PIEZO2: variants seen among roughly 807,000 people sequenced by gnomAD.
PIEZO2 encodes piezo type mechanosensitive ion channel component 2.
In PIEZO2, 172 loss-of-function variants were observed where a neutral mutation model predicts 337.3. The ratio of observed to expected loss-of-function variants is 0.51; its 90% CI spans 0.45 to 0.58. The LOEUF (loss-of-function observed/expected upper bound fraction) is 0.58. Ranked by LOEUF, PIEZO2 falls within the 20% of genes least tolerant of loss-of-function variation. The pLI is 0.00. For synonymous variants in PIEZO2, 1,251 were observed against 1,228.5 expected (o/e 1.02, Z -0.38); for missense variants, 3,028 against 3,391.3 (o/e 0.89, Z 2.66).
At position 10,727,105 on chromosome 18, in the gene PIEZO2, T is replaced by C; in HGVS notation, c.5029+4302A>G. The stretch of plus-strand genomic sequence containing the variant: ...GAGTGGCAACATCAAAGGGTTTGTG[T>C]CCCTTGCTAGCCTCCCTGGGGCCTG... On this transcript the variant is annotated intron_variant, in intron 36 of 55. Transcript: ENST00000674853. The surrounding 1 kb of genome is among the most constrained non-coding windows in gnomAD (Gnocchi z 6.3). The C allele has an allele frequency of 2.1e-6, 1 of 482,404 alleles. No homozygotes were observed. Among genetic ancestry groups the C allele is most frequent in the Non-Finnish European group, 3.6e-6 (1 of 278,052 alleles). The allele number at this position is 482,404 out of a possible 1,614,324, so 29.9% of individuals were successfully genotyped here. A position where few individuals can be genotyped will look rare whatever the true frequency, so the allele number is the denominator to read the frequency against.
intron 3 of PIEZO2, among the ~76,000 whole-genome samples, chr18:10,928,339 C>T (rs1239385116): frequency 6.6e-6 from 1 of 152,108 alleles, no homozygotes; most frequent in Non-Finnish European, 1.5e-5. Context: ...GAGGCATGGC[C>T]GCTCCAAGCA....
intron 47 of PIEZO2, among the ~76,000 whole-genome samples, chr18:10,695,565 G>T (rs887880574): frequency 1.3e-5 from 2 of 152,074 alleles, no homozygotes; most frequent in African/African-American, 2.4e-5. Flanking sequence ...TTCAAACCTC[G>T]CTGCAGTTAA....
At position 10,677,665 on chromosome 18, in the gene PIEZO2, T is replaced by C. The variant is rs1364781867; in HGVS notation, c.8081+82A>G. On this transcript the variant is annotated intron_variant, in intron 53 of 55. Transcript: ENST00000674853. This position sits in a 1 kb window ranked among gnomAD's most constrained non-coding sequence, Gnocchi z 4.1. Reference sequence around the variant, plus strand: ...CCAAAGAATGAAGTTGCATTCCTCATACACATGAATCTGTAGATGGACATT... The same window carrying C: ...CCAAAGAATGAAGTTGCATTCCTCACACACATGAATCTGTAGATGGACATT... The C allele has an allele frequency of 2.7e-6, 4 of 1,472,178 alleles. No homozygotes were observed. In the Admixed American group the frequency reaches 6.8e-5, roughly 25 times the overall value. 91.2% of individuals were successfully genotyped at this position (1,472,178 alleles called of 1,614,324 possible).
intron 5 of PIEZO2, among the ~76,000 whole-genome samples, chr18:10,868,174 G>C (rs1335823980): frequency 6.6e-6 from 1 of 152,180 alleles, no homozygotes; most frequent in African/African-American, 2.4e-5. Flanking sequence ...CTTTTGAAAA[G>C]GAATTCTCAC....
At chr18:11,122,528 T>C (rs2040057953) in intron 1 of PIEZO2, among the ~76,000 whole-genome samples, 1 of 152,210 alleles carries the variant, frequency 6.6e-6, no homozygotes. Flanking sequence ...ATATGGTCAT[T>C]CTCTTTTCAT....
At chr18:11,019,996 C>T (rs1349363019) in intron 2 of PIEZO2, among the ~76,000 whole-genome samples, 1 of 152,148 alleles carries the variant, frequency 6.6e-6, no homozygotes, top group African/African-American at 2.4e-5. Context: ...CATGAACTCT[C>T]TTGGGGATGA....
chr18:11,060,415 A>G (rs1317761806), intron 2 of PIEZO2, among the ~76,000 whole-genome samples: 1 of 152,230 alleles, frequency 6.6e-6, no homozygotes, highest in Non-Finnish European at 1.5e-5. Context: ...ATCAGAGCAG[A>G]ACTGAAGGAG....
intron 7 of PIEZO2, among the ~76,000 whole-genome samples, chr18:10,820,875 G>C (rs1294674147): frequency 6.6e-6 from 1 of 152,194 alleles, no homozygotes; most frequent in Non-Finnish European, 1.5e-5. Context: ...AGTCCCAGTA[G>C]AGTAGAAGAA....
In PIEZO2 at chr18:10,967,750, T is replaced by C. The variant is rs369103192; in HGVS notation, c.286+11785A>G. Among the ~76,000 whole-genome samples the C allele has an allele frequency of 3.3e-5, 5 of 152,178 alleles. No individual in the cohort carries two copies. The East Asian group carries it at 7.7e-4, about 23-fold the overall frequency. On this transcript the variant is annotated intron_variant, in intron 3 of 55. Transcript: ENST00000674853. The stretch of plus-strand genomic sequence containing the variant: ...CCATTTGTATATCTTCTTTTGAGAA[T>C]TGTCTATTCATGTCCTTAGCCCACT...
intron 15 of PIEZO2, 39 bp from the exon 16 acceptor site, chr18:10,787,223 T>A: frequency 6.7e-7 from 1 of 1,483,752 alleles, no homozygotes; most frequent in Non-Finnish European, 8.9e-7. Context: ...TGAGAAAAAA[T>A]CACTTTTAGG....
chr18:10,924,907 T>G (rs145242438), intron 3 of PIEZO2, among the ~76,000 whole-genome samples: 15 of 152,308 alleles, frequency 9.8e-5, no homozygotes, highest in African/African-American at 2.9e-4. Flanking sequence ...TAAAATTAAA[T>G]AAAGAAATGC....
intron 7 of PIEZO2, among the ~76,000 whole-genome samples, chr18:10,832,716 C>A (rs1025251621): frequency 2.0e-5 from 3 of 152,212 alleles, no homozygotes; most frequent in Non-Finnish European, 4.4e-5. Flanking sequence ...ATGGGAGACA[C>A]ACGGTGGCTC....
chr18:10,830,390 C>A lies in PIEZO2; in HGVS notation c.918-23116G>T, dbSNP rs926303389. Among the ~76,000 whole-genome samples, 2 of 139,690 alleles carry A rather than the reference C, an allele frequency of 1.4e-5. No individual in the cohort carries two copies. The highest frequency in any genetic ancestry group is 3.1e-5 in the Non-Finnish European group (2 of 64,032). The allele number at this position is 139,690 out of a possible 152,430, so 91.6% of individuals were successfully genotyped here. A position where few individuals can be genotyped will look rare whatever the true frequency, so the allele number is the denominator to read the frequency against. ...CATTGGTCTGGGCAAAGATTTCTTG[C>A]ATAATACCCCACAAGCACAGACAAC... On this transcript the variant is annotated intron_variant, in intron 7 of 55. Coordinates refer to ENST00000674853, the MANE Select transcript of PIEZO2 (RefSeq NM_001378183.1). This position sits in a 1 kb window ranked among gnomAD's most constrained non-coding sequence, Gnocchi z 4.7.
At chr18:10,933,901 G>A (rs1213222494) in intron 3 of PIEZO2, among the ~76,000 whole-genome samples, 1 of 152,216 alleles carries the variant, frequency 6.6e-6, no homozygotes, top group African/African-American at 2.4e-5. Flanking sequence ...CTTGCCTGCT[G>A]CCATGTAAGA....
At position 11,149,407 on chromosome 18, in the gene PIEZO2, G is replaced by T. The variant is rs2040897032; in HGVS notation, c.-819C>A. Among the ~76,000 whole-genome samples, 1 of 152,058 alleles carries T rather than the reference G, an allele frequency of 6.6e-6. No individual in the cohort carries two copies. The highest frequency in any genetic ancestry group is 1.5e-5 in the Non-Finnish European group (1 of 67,988). ...AAATGGAGACCAGAGCGCATATCGG[G>T]TGAGTGGGTCTCCCACTCCCTCCTC... On this transcript the variant is annotated 5_prime_UTR_variant, in exon 1 of 56. Transcript: ENST00000674853. The surrounding 1 kb of genome is among the most constrained non-coding windows in gnomAD (Gnocchi z 8.7).
Position 10,726,557 on chromosome 18 carries a change from C to T in PIEZO2, c.5029+4850G>A. The T allele has an allele frequency of 7.1e-7, 1 of 1,408,058 alleles. No homozygotes were observed. The allele number at this position is 1,408,058 out of a possible 1,614,324, so 87.2% of individuals were successfully genotyped here. ...CTGCTCTGCTACACCAGCCGCCACG[C>T]TGTGCGTCTGTCCTTCCGCCAGCTC... is the stretch of plus-strand genomic sequence containing the variant. On this transcript the variant is annotated intron_variant, in intron 36 of 55. Coordinates refer to ENST00000674853, the MANE Select transcript of PIEZO2 (RefSeq NM_001378183.1). This position sits in a 1 kb window ranked among gnomAD's most constrained non-coding sequence, Gnocchi z 5.9.
At chr18:10,718,678 G>A (rs2036115169) in intron 36 of PIEZO2, among the ~76,000 whole-genome samples, 1 of 152,154 alleles carries the variant, frequency 6.6e-6, no homozygotes, top group African/African-American at 2.4e-5. Context: ...TGGCAGATTT[G>A]AGTTGCAACA....
chr18:10,692,879 C>G (rs1450832406), intron 47 of PIEZO2, among the ~76,000 whole-genome samples: 1 of 152,134 alleles, frequency 6.6e-6, no homozygotes, highest in African/African-American at 2.4e-5. Context: ...TTTTTGTCAG[C>G]TTACCAAATT....
In PIEZO2 at chr18:10,854,955, A is replaced by AT. The variant is rs1457626756; in HGVS notation, c.917+397dup. Among the ~76,000 whole-genome samples the AT allele has an allele frequency of 3.3e-5, 5 of 152,238 alleles. No homozygotes were observed. The highest frequency in any genetic ancestry group is 7.4e-5 in the Non-Finnish European group (5 of 68,000). ...ATTTTTAAGCTTTTACAATTAGTTAATGTTTCTGACGCTTAATTTGTTCTC... is the reference window on the plus strand; with the variant it reads ...ATTTTTAAGCTTTTACAATTAGTTAATTGTTTCTGACGCTTAATTTGTTCTC... On this transcript the variant is annotated intron_variant, in intron 7 of 55. Transcript: ENST00000674853. The surrounding 1 kb of genome is among the most constrained non-coding windows in gnomAD (Gnocchi z 4.6).
Sources: allele counts gnomAD v4.1 joint callset (sites outside exome capture counted in the v4.1 genomes callset), GRCh38; gene constraint gnomAD v4.1.1; non-coding constraint Gnocchi (gnomAD v3.1); transcripts MANE v1.5; gene names NCBI Gene and HGNC (gene_info 2026-07-23, HGNC 2026-07-21).